UNC79: variants seen among roughly 807,000 people sequenced by gnomAD.
UNC79 encodes protein unc-79 homolog.
In UNC79, 37 loss-of-function variants were observed where a neutral mutation model predicts 283.1. The observed-to-expected ratio is 0.13, with a 90% confidence interval of 0.10 to 0.17. The LOEUF is 0.17. UNC79 is among the 10% of genes least tolerant of loss of function. The probability of loss-of-function intolerance (pLI) is 1.00; values close to 1 mark genes in which losing one functional copy is unlikely to be tolerated. For missense variants in UNC79, 2,272 were observed against 3,211.1 expected (o/e 0.71, Z 7.07); for synonymous variants, 1,107 against 1,200.2 (o/e 0.92, Z 1.61).
intron 11 of UNC79, among the ~76,000 whole-genome samples, chr14:93,534,539 G>A (rs554754328): frequency 6.6e-6 from 1 of 152,228 alleles, no homozygotes; most frequent in South Asian, 2.1e-4. Flanking sequence ...GGGCGTTTCA[G>A]TGTGCCCTTA....
chr14:93,591,779 G>A (rs2064699295), intron 22 of UNC79, among the ~76,000 whole-genome samples: 1 of 152,208 alleles, frequency 6.6e-6, no homozygotes, highest in Non-Finnish European at 1.5e-5. Context: ...ATGGTTTACG[G>A]TATTGCACTA....
chr14:93,582,102 G>C, intron 19 of UNC79, 101 bp from the exon 20 acceptor site: 3 of 1,583,118 alleles, frequency 1.9e-6, no homozygotes, highest in Non-Finnish European at 2.6e-6. Flanking sequence ...CATGGGACCC[G>C]AGACACAGCA....
At chr14:93,405,173 C>T (rs1185657126) in intron 1 of UNC79, among the ~76,000 whole-genome samples, 1 of 151,624 alleles carries the variant, frequency 6.6e-6, no homozygotes, top group Non-Finnish European at 1.5e-5. Flanking sequence ...ATCCCAGCTA[C>T]TCGGGAGGCT....
At chr14:93,673,269 T>C in intron 40 of UNC79, 82 bp from the exon 44 acceptor site, 2 of 1,249,788 alleles carry the variant, frequency 1.6e-6, no homozygotes, top group Non-Finnish European at 2.3e-6. Flanking sequence ...GACCCGTGAA[T>C]TTTTTGGAAG....
chr14:93,490,091 C>G (rs2058649936), intron 5 of UNC79, among the ~76,000 whole-genome samples: 1 of 152,122 alleles, frequency 6.6e-6, no homozygotes, highest in African/African-American at 2.4e-5. Flanking sequence ...GGGTGGCATG[C>G]CCTGAAGTCT....
intron 1 of UNC79, among the ~76,000 whole-genome samples, chr14:93,378,719 G>A (rs1027244024): frequency 3.3e-5 from 5 of 152,148 alleles, no homozygotes; most frequent in Non-Finnish European, 7.3e-5. Context: ...GTGGCATCAT[G>A]TTGGTACTCA....
chr14:93,491,346 T>G (rs1317113170), intron 5 of UNC79, among the ~76,000 whole-genome samples: 3 of 151,862 alleles, frequency 2.0e-5, no homozygotes, highest in Non-Finnish European at 4.4e-5. Context: ...TATATCTGTC[T>G]GGCTTAAAAT....
At chr14:93,653,826 C>T in exon 36 of UNC79, 1 of 1,614,166 alleles carries the variant, frequency 6.2e-7, no homozygotes, top group South Asian at 1.1e-5. Flanking sequence ...ACGGCATCTT[C>T]CCGCAGCTGT....
chr14:93,630,688 A>G (rs994765894), intron 30 of UNC79, 113 bp from the exon 33 acceptor site: 2 of 740,214 alleles, frequency 2.7e-6, no homozygotes, highest in African/African-American at 1.8e-5. Flanking sequence ...AGGCCAGGAA[A>G]GTGTATAAAG....
chr14:93,586,535 TTGA>T, intron 20 of UNC79, 58 bp from the exon 21 acceptor site: 1 of 1,429,774 alleles, frequency 7.0e-7, no homozygotes, highest in Non-Finnish European at 9.6e-7. Context: ...TCTTGATAAA[TTGA>T]TGAATGATGG....
chr14:93,421,572 G>A (rs1284531918), intron 1 of UNC79, among the ~76,000 whole-genome samples: 2 of 151,504 alleles, frequency 1.3e-5, no homozygotes, highest in African/African-American at 4.8e-5. Flanking sequence ...AAAAGTAGAG[G>A]AGGGGATAAT....
At chr14:93,460,593 C>T (rs1405379820) in intron 1 of UNC79, among the ~76,000 whole-genome samples, 1 of 151,684 alleles carries the variant, frequency 6.6e-6, no homozygotes, top group Non-Finnish European at 1.5e-5. Context: ...GATGTATATA[C>T]TCTGCTGGTA....
At chr14:93,413,908 T>C (rs2055394244) in intron 1 of UNC79, among the ~76,000 whole-genome samples, 3 of 99,306 alleles carry the variant, frequency 3.0e-5, no homozygotes, top group Non-Finnish European at 4.5e-5. Flanking sequence ...TTTGAATTCA[T>C]TGTAGATTCT....
chr14:93,577,517 C>T (rs1327842783), intron 17 of UNC79, among the ~76,000 whole-genome samples: 5 of 152,050 alleles, frequency 3.3e-5, no homozygotes, highest in African/African-American at 9.7e-5. Context: ...TTTGTAAGTT[C>T]TCATTTTTCG....
chr14:93,646,537 C>G, intron 34 of UNC79, 71 bp from the exon 38 acceptor site: 2 of 1,491,256 alleles, frequency 1.3e-6, no homozygotes, highest in East Asian at 4.5e-5. Context: ...AACAGGTCCT[C>G]CCACAATATT....
chr14:93,394,351 C>CTTTTCTTTTA (rs1555403345), intron 1 of UNC79, among the ~76,000 whole-genome samples: 2 of 124,724 alleles, frequency 1.6e-5, no homozygotes, highest in Admixed American at 8.2e-5. Context: ...ATGCAATTGT[C>CTTTTCTTTTA]TTTTATTTTA....
chr14:93,537,945 C>T lies in UNC79; in HGVS notation c.1123-44C>T. 15 of 1,556,522 alleles carry T rather than the reference C, an allele frequency of 9.6e-6. No homozygotes were observed. The Admixed American group carries it at 1.9e-4, about 20-fold the overall frequency. On this transcript the variant is annotated intron_variant, in intron 11 of 48. Transcript: ENST00000555664. The stretch of plus-strand genomic sequence containing the variant: ...TTATTCTGATTCTTAGCCAAGTTTA[C>T]CTCGGTGGTCAATTTTAATTGATTT...
intron 14 of UNC79, among the ~76,000 whole-genome samples, chr14:93,550,862 A>G (rs1033179384): frequency 6.6e-6 from 1 of 152,140 alleles, no homozygotes; most frequent in Non-Finnish European, 1.5e-5. Flanking sequence ...GTTACAGACC[A>G]CAGGCTCCTT....
At chr14:93,587,004 AT>A in intron 22 of UNC79, 96 bp downstream of exon 22, 2 of 1,497,054 alleles carry the variant, frequency 1.3e-6, no homozygotes, top group Non-Finnish European at 9.0e-7. Context: ...TGTTTGGGTT[AT>A]TTTTTGAGCC....
Sources: allele counts gnomAD v4.1 joint callset (sites outside exome capture counted in the v4.1 genomes callset), GRCh38; gene constraint gnomAD v4.1.1; transcripts MANE v1.5; gene names NCBI Gene and HGNC (gene_info 2026-07-23, HGNC 2026-07-21).